The following LGR4 variants were observed in gnomAD, a reference collection of about 807,000 sequenced individuals.
LGR4 encodes the protein leucine-rich repeat-containing G protein-coupled receptor 4.
In LGR4, 44 loss-of-function variants were observed where a neutral mutation model predicts 84.8. The ratio of observed to expected loss-of-function variants is 0.52; its 90% CI spans 0.41 to 0.67. The LOEUF is 0.67. Ranked by LOEUF, LGR4 falls within the 30% of genes least tolerant of loss-of-function variation. LGR4 has a pLI of 0.00. For missense variants in LGR4, 1,032 were observed against 1,131.4 expected (o/e 0.91, Z 1.26); for synonymous variants, 429 against 434.3 (o/e 0.99, Z 0.15).
intron 1 of LGR4, among the ~76,000 whole-genome samples, chr11:27,452,630 T>G: frequency 7.9e-6 from 1 of 126,692 alleles, no homozygotes; most frequent in Non-Finnish European, 1.7e-5. Context: ...TGAGTTTTTT[T>G]TTTTTTTTTT....
intron 1 of LGR4, among the ~76,000 whole-genome samples, chr11:27,469,899 T>A (rs1425257485): frequency 6.6e-6 from 1 of 152,222 alleles, no homozygotes; most frequent in African/African-American, 2.4e-5. Flanking sequence ...TGTGCAAACC[T>A]GCAGCACTGG....
At chr11:27,399,575 A>T (rs1590362666) in intron 2 of LGR4, among the ~76,000 whole-genome samples, 1 of 150,880 alleles carries the variant, frequency 6.6e-6, no homozygotes, top group African/African-American at 2.4e-5. Flanking sequence ...GCTGGAGTGC[A>T]GTGGCGTGAT....
intron 1 of LGR4, 190 bp downstream of exon 1, chr11:27,471,928 G>A: frequency 2.7e-6 from 1 of 368,928 alleles, no homozygotes; most frequent in Non-Finnish European, 4.7e-6. Flanking sequence ...GACTAGCAAA[G>A]TGCGGAAAGC....
chr11:27,458,737 C>A (rs1191564387), intron 1 of LGR4, among the ~76,000 whole-genome samples: 1 of 152,040 alleles, frequency 6.6e-6, no homozygotes, highest in Non-Finnish European at 1.5e-5. Context: ...CGGGGTTTCA[C>A]CATGTTGGCC....
rs974059796 is a variant in LGR4, at chr11:27,366,198, G to A, written c.*1669C>T. ...TACATGATAGCAATTTTTAAAACTT[G>A]TAAATAGTTGGCCTTACAAAATTAC... On this transcript the variant is annotated 3_prime_UTR_variant, in exon 18 of 18. Transcript: ENST00000379214. 1 of 152,478 alleles carries A rather than the reference G, an allele frequency of 6.6e-6. No individual in the cohort carries two copies. Among genetic ancestry groups the A allele is most frequent in the Non-Finnish European group, 1.5e-5 (1 of 67,954 alleles). 9.4% of individuals were successfully genotyped at this position (152,478 alleles called of 1,614,324 possible).
Position 27,391,235 on chromosome 11 carries a change from C to CTTTTT in LGR4, c.330-75_330-71dup, listed in dbSNP as rs35556457. ...ATTTTTTCTTAGAAAAATTCAGAGC[C>CTTTTT]TTTTTTTTTTTTTTTTCAAAAAATA... On this transcript the variant is annotated intron_variant, in intron 3 of 17. Coordinates refer to ENST00000379214, the MANE Select transcript of LGR4 (RefSeq NM_018490.5). 3.2e-3 allele frequency: 1,405 copies of CTTTTT among 443,996 alleles called. 1 individual carries two copies. The highest frequency in any genetic ancestry group is 4.0e-3 in the Non-Finnish European group (1,032 of 258,408). The allele number at this position is 443,996 out of a possible 1,614,324, so 27.5% of individuals were successfully genotyped here.
At chr11:27,437,437 T>A (rs1466565010) in intron 1 of LGR4, among the ~76,000 whole-genome samples, 2 of 152,164 alleles carry the variant, frequency 1.3e-5, no homozygotes, top group African/African-American at 2.4e-5. Context: ...AAAACCAACG[T>A]ACCTCCATAA....
chr11:27,441,677 G>A (rs1864306382), intron 1 of LGR4, among the ~76,000 whole-genome samples: 1 of 152,192 alleles, frequency 6.6e-6, no homozygotes, highest in African/African-American at 2.4e-5. Flanking sequence ...TAGTCAGAGG[G>A]ATTTAGCAGT....
chr11:27,454,433 A>C (rs1864536412), intron 1 of LGR4, among the ~76,000 whole-genome samples: 1 of 152,186 alleles, frequency 6.6e-6, no homozygotes, highest in Admixed American at 6.5e-5. Context: ...CCATTATACA[A>C]ATATTTGTAG....
chr11:27,415,490 G>T (rs141003151), intron 1 of LGR4, among the ~76,000 whole-genome samples: 1 of 152,056 alleles, frequency 6.6e-6, no homozygotes, highest in East Asian at 1.9e-4. Flanking sequence ...TTTCCTTATA[G>T]TAACAAGACG....
chr11:27,437,817 CAT>C (rs1465652837), intron 1 of LGR4, among the ~76,000 whole-genome samples: 2 of 151,884 alleles, frequency 1.3e-5, no homozygotes, highest in Non-Finnish European at 2.9e-5. Flanking sequence ...GCCTGGGTAA[CAT>C]AGTGAGATTC....
Position 27,365,986 on chromosome 11 carries a change from C to A in LGR4, c.*1881G>T, listed in dbSNP as rs1862756494. 6.6e-6 allele frequency: 1 copy of A among 152,258 alleles called. No individual in the cohort carries two copies. The highest frequency in any genetic ancestry group is 2.4e-5 in the African/African-American group (1 of 41,406). The allele number at this position is 152,258 out of a possible 1,614,324, so 9.4% of individuals were successfully genotyped here. ...TTGCTTTCTAGAAACTTTAATAATT[C>A]AAAACACTGAGTACAATATTGTATT... is the stretch of plus-strand genomic sequence containing the variant. On this transcript the variant is annotated 3_prime_UTR_variant, in exon 18 of 18. Coordinates refer to ENST00000379214, the MANE Select transcript of LGR4 (RefSeq NM_018490.5).
intron 1 of LGR4, among the ~76,000 whole-genome samples, chr11:27,435,369 A>C (rs1864190437): frequency 6.6e-6 from 1 of 151,674 alleles, no homozygotes; most frequent in Non-Finnish European, 1.5e-5. Context: ...ACAACAACAA[A>C]AACTCAGAGA....
chr11:27,454,896 T>C (rs1310513970), intron 1 of LGR4, among the ~76,000 whole-genome samples: 1 of 152,180 alleles, frequency 6.6e-6, no homozygotes, highest in Non-Finnish European at 1.5e-5. Flanking sequence ...GGAAATTTTA[T>C]CTTGTCATCC....
chr11:27,385,373 G>A lies in LGR4; in HGVS notation c.497C>T (p.Thr166Met), dbSNP rs901907532. 1.9e-5 allele frequency: 30 copies of A among 1,612,322 alleles called. No homozygotes were observed. Among genetic ancestry groups the A allele is most frequent in the African/African-American group, 2.7e-5 (2 of 74,902 alleles). ...RHLWLDDNSL[T>M]EVPVHPLSNL... ...GCTGAGGGGGTGCACAGGCACCTCC[G>A]TCAAGCTGTTGTCATCCAGCCACAG... The change falls in exon 5 of 18, where the codon ACG (threonine) becomes ATG (methionine). Residue 166 changes from threonine (T) to methionine (M), a missense_variant. By Grantham distance (81) the Thr-to-Met change is moderately conservative. Coordinates refer to ENST00000379214, the MANE Select transcript of LGR4 (RefSeq NM_018490.5).
In LGR4 at chr11:27,472,604, G is replaced by T. The variant is rs1264467323; in HGVS notation, c.-302C>A. ...GGGGCCGCGCTCTGCCATCGCACCG[G>T]TCTCCCTGTCCCTGGCCTCTCAATG... On this transcript the variant is annotated 5_prime_UTR_variant, in exon 1 of 18. Transcript: ENST00000379214. 4 of 369,984 alleles carry T rather than the reference G, an allele frequency of 1.1e-5. No individual in the cohort carries two copies. The highest frequency in any genetic ancestry group is 1.9e-5 in the Non-Finnish European group (4 of 207,418). The allele number at this position is 369,984 out of a possible 1,614,324, so 22.9% of individuals were successfully genotyped here.
chr11:27,463,135 C>G (rs112207068), intron 1 of LGR4, among the ~76,000 whole-genome samples: 522 of 150,574 alleles, frequency 3.5e-3, no homozygotes, highest in African/African-American at 0.012. Flanking sequence ...ACCTGTAGTC[C>G]TAGCTACTTC....
At chr11:27,459,364 T>A (rs1279558033) in intron 1 of LGR4, among the ~76,000 whole-genome samples, 1 of 152,196 alleles carries the variant, frequency 6.6e-6, no homozygotes, top group African/African-American at 2.4e-5. Context: ...TGGATGTCAT[T>A]ACTTCCTCTG....
intron 2 of LGR4, among the ~76,000 whole-genome samples, chr11:27,396,020 T>C (rs575852751): frequency 3.9e-5 from 6 of 152,352 alleles, no homozygotes; most frequent in African/African-American, 4.8e-5. Flanking sequence ...ACTGTGATAC[T>C]GATAGCTGGT....
Sources: allele counts gnomAD v4.1 joint callset (sites outside exome capture counted in the v4.1 genomes callset), GRCh38; gene constraint gnomAD v4.1.1; transcripts MANE v1.5; gene names NCBI Gene and HGNC (gene_info 2026-07-23, HGNC 2026-07-21).